DENND2B: variants seen among roughly 807,000 people sequenced by gnomAD.
DENND2B encodes the protein DENN domain containing 2B.
In DENND2B, 32 loss-of-function variants were observed where a neutral mutation model predicts 116.0. The ratio of observed to expected loss-of-function variants is 0.28; its 90% CI spans 0.21 to 0.37. The LOEUF (loss-of-function observed/expected upper bound fraction) is 0.37. Among genes scored for constraint, DENND2B ranks in the 10% least tolerant of loss-of-function variants. DENND2B has a pLI of 1.00. For missense variants in DENND2B, 1,276 were observed against 1,477.7 expected, an observed-to-expected ratio of 0.86 and a Z score of 2.24; for synonymous variants, 588 against 583.9, an observed-to-expected ratio of 1.01 and a Z score of -0.10.
intron 4 of DENND2B, among the ~76,000 whole-genome samples, chr11:8,720,441 G>C (rs1270415074): frequency 6.6e-6 from 1 of 152,208 alleles, no homozygotes; most frequent in Non-Finnish European, 1.5e-5. Context: ...GCAACATCAG[G>C]TTCTCAAGAT....
intron 15 of DENND2B, 29 bp downstream of exon 15, chr11:8,699,184 C>A: frequency 6.5e-7 from 1 of 1,536,650 alleles, no homozygotes; most frequent in Non-Finnish European, 8.7e-7. Context: ...CTCCACCCTT[C>A]CCCCCAGCTG....
intron 5 of DENND2B, among the ~76,000 whole-genome samples, chr11:8,717,066 A>G (rs2044992863): frequency 6.6e-6 from 1 of 152,242 alleles, no homozygotes; most frequent in South Asian, 2.1e-4. Context: ...ATTTGCAAAG[A>G]GAATTAGAGT....
chr11:8,900,103 C>A (rs1367358655), intron 1 of DENND2B, among the ~76,000 whole-genome samples: 1 of 151,866 alleles, frequency 6.6e-6, no homozygotes, highest in Non-Finnish European at 1.5e-5. Flanking sequence ...CCAGCCTGGG[C>A]AACATGATGA....
intron 2 of DENND2B, among the ~76,000 whole-genome samples, chr11:8,741,601 A>C (rs1565807126): frequency 1.3e-5 from 2 of 152,334 alleles, no homozygotes; most frequent in African/African-American, 4.8e-5. Context: ...CAGTCAAAAT[A>C]ACCCCTCCTC....
intron 1 of DENND2B, among the ~76,000 whole-genome samples, chr11:8,774,474 A>G (rs554635718): frequency 7.3e-4 from 111 of 152,342 alleles, no homozygotes; most frequent in African/African-American, 1.4e-3. Context: ...AAGGAAAGCC[A>G]GAAGCTGACA....
In DENND2B at chr11:8,699,306, G is replaced by A. The variant is rs1291444764; in HGVS notation, c.2805C>T (p.Ala935=). Residue 935 remains alanine, a synonymous_variant, in exon 15 of 20, where the codon GCC becomes GCT. Transcript: ENST00000313726. ...WQHTFIPVLP[A]SMIDIVCCPT... ...GACAGCAGACGATGTCAATCATGGA[G>A]GCCGGGAGGACAGGAATGAAGGTGT... The A allele has an allele frequency of 9.3e-6, 15 of 1,605,884 alleles. No individual in the cohort carries two copies. Among genetic ancestry groups the A allele is most frequent in the African/African-American group, 1.4e-5 (1 of 74,068 alleles).
chr11:8,742,215 T>A (rs1171077246), intron 2 of DENND2B, among the ~76,000 whole-genome samples: 1 of 152,216 alleles, frequency 6.6e-6, no homozygotes, highest in Non-Finnish European at 1.5e-5. Flanking sequence ...TGAAGTCTTT[T>A]TAGCCAAGGC....
intron 1 of DENND2B, among the ~76,000 whole-genome samples, chr11:8,801,863 G>T (rs2060367608): frequency 6.6e-6 from 1 of 151,554 alleles, no homozygotes; most frequent in Non-Finnish European, 1.5e-5. Flanking sequence ...AATCAGCCAG[G>T]TGTGGTGCAC....
chr11:8,836,436 T>A (rs1316178961), intron 4 of DENND2B, among the ~76,000 whole-genome samples: 1 of 145,826 alleles, frequency 6.9e-6, no homozygotes, highest in Non-Finnish European at 1.5e-5. Context: ...TTTTTTTTTT[T>A]TCTGAGACGG....
upstream of DENND2B, among the ~76,000 whole-genome samples, chr11:8,813,114 A>G (rs2061451452): frequency 6.6e-6 from 1 of 152,218 alleles, no homozygotes; most frequent in African/African-American, 2.4e-5. Flanking sequence ...CATCCTATGC[A>G]GAATCTAGTG....
chr11:8,702,853 G>T lies in DENND2B; in HGVS notation c.2572-133C>A. 9.2e-7 allele frequency: 1 copy of T among 1,091,198 alleles called. No homozygotes were observed. Among genetic ancestry groups the T allele is most frequent in the Non-Finnish European group, 1.3e-6 (1 of 772,198 alleles). 67.6% of individuals were successfully genotyped at this position (1,091,198 alleles called of 1,614,324 possible). A position where few individuals can be genotyped will look rare whatever the true frequency, so the allele number is the denominator to read the frequency against. On this transcript the variant is annotated intron_variant, in intron 13 of 19. Transcript: ENST00000313726. This position sits in a 1 kb window ranked among gnomAD's most constrained non-coding sequence, Gnocchi z 4.6. Reference sequence around the variant, plus strand: ...CCAGGTCTCTCGTCTACCCTGCTATGCAGTAAACCCCTCTTCTCCATCCCT... The same window carrying T: ...CCAGGTCTCTCGTCTACCCTGCTATTCAGTAAACCCCTCTTCTCCATCCCT...
intron 9 of DENND2B, chr11:8,711,992 G>A (rs1320710771): frequency 2.2e-6 from 1 of 455,824 alleles, no homozygotes; most frequent in Non-Finnish European, 4.4e-6. Context: ...CCTGAGAAAT[G>A]AGAAGGAGCC....
At chr11:8,802,293 T>TA (rs1235294440) in intron 1 of DENND2B, among the ~76,000 whole-genome samples, 1 of 110,966 alleles carries the variant, frequency 9.0e-6, no homozygotes, top group Non-Finnish European at 1.9e-5. Flanking sequence ...AGTGAGACTC[T>TA]GTCTGGAAAA....
intron 1 of DENND2B, chr11:8,910,783 A>C (rs998354454): frequency 6.6e-6 from 1 of 152,456 alleles, no homozygotes; most frequent in African/African-American, 2.4e-5. Flanking sequence ...GTACCCCATA[A>C]TTTTTTAGCT....
intron 1 of DENND2B, among the ~76,000 whole-genome samples, chr11:8,883,016 T>G (rs2063919210): frequency 1.3e-5 from 2 of 152,176 alleles, no homozygotes; most frequent in South Asian, 4.1e-4. Flanking sequence ...TAAATATTAT[T>G]TTTAAAATAA....
chr11:8,718,559 T>A (rs2045534698), intron 4 of DENND2B: 1 of 1,411,222 alleles, frequency 7.1e-7, no homozygotes, highest in Non-Finnish European at 9.2e-7. Flanking sequence ...CCTACTGTAG[T>A]GTCTATTCCC....
intron 1 of DENND2B, among the ~76,000 whole-genome samples, chr11:8,897,519 C>T (rs1475384579): frequency 6.6e-6 from 1 of 152,100 alleles, no homozygotes; most frequent in Non-Finnish European, 1.5e-5. Context: ...AGTAAATGAT[C>T]AGGGAAAGTC....
intron 6 of DENND2B, 104 bp downstream of exon 6, chr11:8,715,499 G>C: frequency 8.7e-7 from 1 of 1,154,920 alleles, no homozygotes. Context: ...AATCGAGGAA[G>C]CAGTCCAGAT....
intron 4 of DENND2B, chr11:8,718,479 G>A: frequency 1.3e-6 from 2 of 1,485,366 alleles, no homozygotes; most frequent in Non-Finnish European, 1.8e-6. Flanking sequence ...GTTGTTCACT[G>A]AGGCAACCTC....
Sources: allele counts gnomAD v4.1 joint callset (sites outside exome capture counted in the v4.1 genomes callset), GRCh38; gene constraint gnomAD v4.1.1; non-coding constraint Gnocchi (gnomAD v3.1); transcripts MANE v1.5; gene names NCBI Gene and HGNC (gene_info 2026-07-23, HGNC 2026-07-21).